The following RIPOR3 variants were observed in gnomAD, a reference collection of about 807,000 sequenced individuals.
RIPOR3 encodes family with sequence similarity 65 member C.
A neutral mutation model predicts 114.3 loss-of-function variants in RIPOR3; 95 were observed. The observed-to-expected ratio is 0.83, with a 90% CI of 0.70 to 0.99. RIPOR3 has a LOEUF of 0.99. RIPOR3 is among the 50% of genes least tolerant of loss of function. The pLI is 0.00. For synonymous variants in RIPOR3, 575 were observed against 543.8 expected, an observed-to-expected ratio of 1.06 and a Z score of -0.80; for missense variants, 1,252 against 1,266.9, an observed-to-expected ratio of 0.99 and a Z score of 0.18.
intron 4 of RIPOR3, among the ~76,000 whole-genome samples, chr20:50,613,912 A>G (rs1419686523): frequency 6.6e-6 from 1 of 151,968 alleles, no homozygotes; most frequent in East Asian, 1.9e-4. Context: ...TTCCCTCCCC[A>G]AGTCCCTGGC....
At chr20:50,592,781 T>TC (rs1219883525) in intron 18 of RIPOR3, among the ~76,000 whole-genome samples, 1 of 152,100 alleles carries the variant, frequency 6.6e-6, no homozygotes, top group Non-Finnish European at 1.5e-5. Context: ...AGCCCACACT[T>TC]CCAGGGACTC....
chr20:50,666,449 C>T (rs545525532), intron 1 of RIPOR3, among the ~76,000 whole-genome samples: 1 of 151,416 alleles, frequency 6.6e-6, no homozygotes, highest in Admixed American at 6.6e-5. Context: ...GTCTCGAATT[C>T]CTGACCTCAG....
At chr20:50,686,000 CAAAG>C (rs2087007124) in intron 1 of RIPOR3, among the ~76,000 whole-genome samples, 1 of 151,782 alleles carries the variant, frequency 6.6e-6, no homozygotes, top group South Asian at 2.1e-4. Flanking sequence ...AATTACGTGA[CAAAG>C]AAAAAAATAG....
intron 4 of RIPOR3, among the ~76,000 whole-genome samples, chr20:50,615,215 C>G (rs768894425): frequency 6.7e-6 from 1 of 150,202 alleles, no homozygotes; most frequent in Non-Finnish European, 1.5e-5. Flanking sequence ...AACACAGGGC[C>G]CAGGGCCAGC....
chr20:50,617,161 C>A (rs963698053), intron 3 of RIPOR3, among the ~76,000 whole-genome samples: 1 of 152,004 alleles, frequency 6.6e-6, no homozygotes, highest in East Asian at 1.9e-4. Context: ...AGGTGGGGGG[C>A]GTCTAGATTT....
intron 20 of RIPOR3, among the ~76,000 whole-genome samples, chr20:50,588,748 T>TG (rs1298099527): frequency 1.6e-4 from 14 of 86,194 alleles, no homozygotes; most frequent in African/African-American, 6.7e-4. Flanking sequence ...AATTCTCAAG[T>TG]GAAAAAAAAA....
chr20:50,650,794 A>T (rs535390340), intron 1 of RIPOR3, among the ~76,000 whole-genome samples: 3 of 152,218 alleles, frequency 2.0e-5, no homozygotes, highest in African/African-American at 7.2e-5. Flanking sequence ...TATTAAGATG[A>T]TCCCAAAGAC....
At position 50,674,886 on chromosome 20, in the gene RIPOR3, C is replaced by T. The variant is rs866134361; in HGVS notation, c.3+16240G>A. ...TCACTTGAGGCCAGGAGTTCAAGAC[C>T]GGCCTGGGCAACATAGCAAGACCCC... On this transcript the variant is annotated intron_variant, in intron 1 of 21. Transcript: ENST00000327979. Among the ~76,000 whole-genome samples, 11 of 151,776 alleles carry T rather than the reference C, an allele frequency of 7.2e-5. No homozygotes were observed. In the South Asian group the frequency reaches 1.2e-3, roughly 17 times the overall value.
chr20:50,658,389 G>C (rs971746173), intron 1 of RIPOR3, among the ~76,000 whole-genome samples: 4 of 152,112 alleles, frequency 2.6e-5, no homozygotes, highest in African/African-American at 9.7e-5. Context: ...GAGGTTCCTA[G>C]AATACTCAAA....
intron 2 of RIPOR3, among the ~76,000 whole-genome samples, chr20:50,628,097 C>T (rs578247544): frequency 4.6e-5 from 7 of 152,210 alleles, no homozygotes; most frequent in Non-Finnish European, 8.8e-5. Flanking sequence ...GAAGAGGCAG[C>T]TCAGAAATGG....
intron 1 of RIPOR3, among the ~76,000 whole-genome samples, chr20:50,683,165 C>A (rs1253121941): frequency 1.3e-5 from 2 of 152,174 alleles, no homozygotes; most frequent in East Asian, 1.9e-4. Flanking sequence ...GTGATAAATT[C>A]TATCCACAAT....
intron 2 of RIPOR3, among the ~76,000 whole-genome samples, chr20:50,620,398 G>A (rs948387428): frequency 1.3e-5 from 2 of 152,146 alleles, no homozygotes; most frequent in Admixed American, 6.6e-5. Flanking sequence ...AAGCTGAGGT[G>A]GGTGGATCAC....
chr20:50,623,021 C>T (rs2084476260), intron 2 of RIPOR3, among the ~76,000 whole-genome samples: 2 of 152,104 alleles, frequency 1.3e-5, no homozygotes, highest in South Asian at 2.1e-4. Flanking sequence ...CCCAGCACTT[C>T]GGGAGGCCAA....
At chr20:50,671,721 TG>T (rs1482419191) in intron 1 of RIPOR3, among the ~76,000 whole-genome samples, 2 of 152,004 alleles carry the variant, frequency 1.3e-5, no homozygotes, top group African/African-American at 4.8e-5. Context: ...GATGGGTGGA[TG>T]GGTAGATGGG....
chr20:50,674,545 C>T (rs184128877), intron 1 of RIPOR3, among the ~76,000 whole-genome samples: 10 of 150,560 alleles, frequency 6.6e-5, no homozygotes, highest in Admixed American at 6.7e-5. Context: ...CCCAGAGACA[C>T]AGAATGTGAC....
intron 19 of RIPOR3, among the ~76,000 whole-genome samples, chr20:50,590,241 G>A (rs796211014): frequency 7.2e-5 from 11 of 152,288 alleles, no homozygotes; most frequent in African/African-American, 2.2e-4. Flanking sequence ...TCGGTCTCAC[G>A]ACCATGGCCA....
chr20:50,664,588 G>GT (rs2086118198), intron 1 of RIPOR3, among the ~76,000 whole-genome samples: 1 of 152,178 alleles, frequency 6.6e-6, no homozygotes, highest in Non-Finnish European at 1.5e-5. Context: ...CTGAGTTCCC[G>GT]TGTGACATTG....
intron 2 of RIPOR3, among the ~76,000 whole-genome samples, chr20:50,625,985 G>A (rs6012981): frequency 0.013 from 2,038 of 152,324 alleles, 58 homozygotes; most frequent in African/African-American, 0.047. Flanking sequence ...GCCAGAGTAG[G>A]GGTCAAGGTG....
chr20:50,624,415 G>A (rs2084542906), intron 2 of RIPOR3, among the ~76,000 whole-genome samples: 2 of 152,202 alleles, frequency 1.3e-5, no homozygotes, highest in Admixed American at 6.5e-5. Flanking sequence ...GTGCACCGTT[G>A]GCCCAGCCCC....
Sources: gnomAD v4.1 joint callset for allele counts (sites outside exome capture counted in the v4.1 genomes callset) on GRCh38, gnomAD v4.1.1 for gene constraint, MANE v1.5 for transcripts, NCBI Gene and HGNC (gene_info 2026-07-23, HGNC 2026-07-21) for gene names.